The following TMEM163 variants were observed in gnomAD, a reference collection of about 807,000 sequenced individuals.
TMEM163 encodes transmembrane protein 163.
Under a neutral mutation model 29.3 loss-of-function variants are expected in TMEM163, and 17 were observed. That is an observed-to-expected ratio of 0.58 (90% CI 0.40 to 0.87). The LOEUF (loss-of-function observed/expected upper bound fraction) is 0.87, where lower values mean the gene tolerates loss of function less well. Ranked by LOEUF, TMEM163 falls within the 40% of genes least tolerant of loss-of-function variation. TMEM163 has a pLI of 0.00. For missense variants in TMEM163, 303 were observed against 381.5 expected (o/e 0.79, Z 1.71); for synonymous variants, 157 against 160.6 (o/e 0.98, Z 0.17).
intron 5 of TMEM163, among the ~76,000 whole-genome samples, chr2:134,470,938 G>A (rs1289209229): frequency 1.3e-5 from 2 of 152,328 alleles, no homozygotes; most frequent in African/African-American, 2.4e-5. Flanking sequence ...TTGAGAGGCC[G>A]AGGCGGGAAG....
intron 2 of TMEM163, among the ~76,000 whole-genome samples, chr2:134,638,490 AT>A (rs2104838052): frequency 6.6e-6 from 1 of 152,326 alleles, no homozygotes; most frequent in Admixed American, 6.5e-5. Context: ...GGAAATCTGG[AT>A]AGAAGAGTCA....
At chr2:134,562,784 G>A (rs1444709651) in intron 2 of TMEM163, among the ~76,000 whole-genome samples, 1 of 152,054 alleles carries the variant, frequency 6.6e-6, no homozygotes, top group Non-Finnish European at 1.5e-5. Context: ...TCACCACCCT[G>A]CTCCATAAAA....
In TMEM163 at chr2:134,603,813, G is replaced by C. The variant is rs943073475; in HGVS notation, c.323-51722C>G. Among the ~76,000 whole-genome samples the C allele has an allele frequency of 2.4e-5, 3 of 126,976 alleles. No homozygotes were observed. In the Admixed American group the frequency reaches 2.7e-4, roughly 12 times the overall value. 83.3% of individuals were successfully genotyped at this position (126,976 alleles called of 152,430 possible). A position where few individuals can be genotyped will look rare whatever the true frequency, so the allele number is the denominator to read the frequency against. On this transcript the variant is annotated intron_variant, in intron 2 of 7. Transcript: ENST00000281924. ...ACTGTTTTGCCCACATCTGGTGAGT[G>C]TATATAAGGTGGAAGGTGGGGGTGG... is the stretch of plus-strand genomic sequence containing the variant.
intron 2 of TMEM163, among the ~76,000 whole-genome samples, chr2:134,672,277 G>T (rs1433493114): frequency 1.3e-5 from 2 of 152,112 alleles, no homozygotes; most frequent in Admixed American, 1.3e-4. Context: ...TCTAGAAATG[G>T]CTATGACCAC....
intron 5 of TMEM163, chr2:134,467,307 G>A (rs1250921499): frequency 6.6e-6 from 1 of 152,102 alleles, no homozygotes. Flanking sequence ...GTTTGGGCTG[G>A]ACTTAACAGA....
chr2:134,489,454 G>A (rs1464491289), intron 5 of TMEM163, among the ~76,000 whole-genome samples: 4 of 151,942 alleles, frequency 2.6e-5, no homozygotes, highest in Non-Finnish European at 4.4e-5. Context: ...GGTGGGCACT[G>A]TAGTCCCAGC....
At chr2:134,685,740 A>G (rs537592350) in intron 2 of TMEM163, among the ~76,000 whole-genome samples, 2 of 152,304 alleles carry the variant, frequency 1.3e-5, no homozygotes, top group African/African-American at 4.8e-5. Flanking sequence ...TCTCTGTCCA[A>G]AAATAAAACA....
intron 4 of TMEM163, among the ~76,000 whole-genome samples, chr2:134,530,878 C>A (rs114505375): frequency 2.8e-4 from 42 of 152,244 alleles, no homozygotes; most frequent in African/African-American, 1.0e-3. Context: ...GACAAGCGCA[C>A]GCACACACAA....
chr2:134,553,984 T>C (rs1190107352), intron 2 of TMEM163, among the ~76,000 whole-genome samples: 1 of 152,194 alleles, frequency 6.6e-6, no homozygotes, highest in Non-Finnish European at 1.5e-5. Flanking sequence ...TTCACAGAAA[T>C]AAGTCAAGGA....
intron 4 of TMEM163, among the ~76,000 whole-genome samples, chr2:134,543,938 C>T (rs1221894979): frequency 2.6e-5 from 4 of 152,282 alleles, no homozygotes; most frequent in African/African-American, 9.6e-5. Flanking sequence ...GGAGAACCAC[C>T]TCTCGGGCTG....
chr2:134,479,727 A>G (rs962108551), intron 5 of TMEM163, among the ~76,000 whole-genome samples: 2 of 152,146 alleles, frequency 1.3e-5, no homozygotes, highest in African/African-American at 2.4e-5. Flanking sequence ...AAAATGAGGT[A>G]ACTCCCCCAG....
At chr2:134,677,214 C>T (rs1308688745) in intron 2 of TMEM163, among the ~76,000 whole-genome samples, 3 of 152,298 alleles carry the variant, frequency 2.0e-5, no homozygotes, top group African/African-American at 4.8e-5. Context: ...CAGACCCTCA[C>T]GTTGGGACGG....
At chr2:134,457,914 A>AG in intron 7 of TMEM163, 118 bp downstream of exon 7, 1 of 1,505,752 alleles carries the variant, frequency 6.6e-7, no homozygotes, top group Non-Finnish European at 9.0e-7. Context: ...CAGGCTCAGG[A>AG]GGGGCACAGG....
At chr2:134,622,810 T>TGGACTG (rs1394797907) in intron 2 of TMEM163, among the ~76,000 whole-genome samples, 1 of 152,180 alleles carries the variant, frequency 6.6e-6, no homozygotes, top group Non-Finnish European at 1.5e-5. Context: ...TTGCCCAGAC[T>TGGACTG]GGAGTGGAGT....
intron 5 of TMEM163, among the ~76,000 whole-genome samples, chr2:134,482,602 T>C (rs1240016634): frequency 6.6e-6 from 1 of 152,068 alleles, no homozygotes; most frequent in African/African-American, 2.4e-5. Context: ...CCAGGTGAAA[T>C]TGAAACAGTC....
chr2:134,592,827 TG>T (rs1450698197), intron 2 of TMEM163, among the ~76,000 whole-genome samples: 3 of 138,256 alleles, frequency 2.2e-5, no homozygotes, highest in African/African-American at 8.1e-5. Flanking sequence ...TCTCCCTGTA[TG>T]CATATATACA....
chr2:134,515,138 C>T (rs571927680), intron 4 of TMEM163, among the ~76,000 whole-genome samples: 3 of 152,284 alleles, frequency 2.0e-5, no homozygotes, highest in African/African-American at 4.8e-5. Flanking sequence ...GTTGCCTGTC[C>T]GAATGATAAC....
intron 2 of TMEM163, among the ~76,000 whole-genome samples, chr2:134,649,401 A>T (rs1312016241): frequency 6.6e-6 from 1 of 152,236 alleles, no homozygotes; most frequent in Non-Finnish European, 1.5e-5. Context: ...GCGCTAATGC[A>T]TTGGAAATGT....
intron 2 of TMEM163, among the ~76,000 whole-genome samples, chr2:134,559,266 C>T (rs975706643): frequency 5.9e-5 from 9 of 152,108 alleles, no homozygotes; most frequent in Non-Finnish European, 1.0e-4. Flanking sequence ...TCTAGTTGGC[C>T]CCGTAAGGCT....
Sources: allele counts gnomAD v4.1 joint callset (sites outside exome capture counted in the v4.1 genomes callset), GRCh38; gene constraint gnomAD v4.1.1; transcripts MANE v1.5; gene names NCBI Gene and HGNC (gene_info 2026-07-23, HGNC 2026-07-21).